The following CACNA1C variants were observed in gnomAD, a reference collection of about 807,000 sequenced individuals.
CACNA1C encodes voltage-dependent L-type calcium channel subunit alpha-1C.
CACNA1C carries 30 observed loss-of-function variants against 229.0 expected under a neutral mutation model. That is an observed-to-expected ratio of 0.13 (90% confidence interval 0.10 to 0.18). CACNA1C has a LOEUF of 0.18. CACNA1C is among the 10% of genes least tolerant of loss of function. The pLI is 1.00. For synonymous variants in CACNA1C, 1,114 were observed against 1,132.5 expected, an observed-to-expected ratio of 0.98 and a Z score of 0.33; for missense variants, 1,658 against 2,845.0, an observed-to-expected ratio of 0.58 and a Z score of 9.49.
rs760982440 is a variant in CACNA1C, at chr12:2,651,596, C to A, written c.3946-44C>A. The A allele has an allele frequency of 6.2e-7, 1 of 1,613,894 alleles. No homozygotes were observed. The highest frequency in any genetic ancestry group is 2.2e-5 in the East Asian group (1 of 44,864). On this transcript the variant is annotated intron_variant, in intron 31 of 46. Coordinates refer to ENST00000399655, the MANE Select transcript of CACNA1C (RefSeq NM_000719.7). This position sits in a 1 kb window ranked among gnomAD's most constrained non-coding sequence, Gnocchi z 5.4. ...GAGGGGCCCTCCTGTTCTCACCCCC[C>A]TCTTGCTGTGCTAACTGCACCTCCT...
intron 3 of CACNA1C, among the ~76,000 whole-genome samples, chr12:2,446,643 T>C (rs889053104): frequency 7.4e-5 from 11 of 148,988 alleles, no homozygotes; most frequent in African/African-American, 2.7e-4. Flanking sequence ...GGTGGATAGA[T>C]GAATGGATGG....
intron 14 of CACNA1C, 92 bp downstream of exon 14, chr12:2,581,889 C>A (rs910972471): frequency 4.0e-6 from 3 of 750,826 alleles, no homozygotes; most frequent in African/African-American, 1.7e-5. Flanking sequence ...TTTTACCGGG[C>A]AGCCACAGCC....
intron 1 of CACNA1C, among the ~76,000 whole-genome samples, chr12:2,022,396 A>C (rs2046612441): frequency 6.6e-6 from 1 of 151,050 alleles, no homozygotes; most frequent in Non-Finnish European, 1.5e-5. Context: ...TTTGGTCTTT[A>C]TTTAGAAATT....
intron 3 of CACNA1C, among the ~76,000 whole-genome samples, chr12:2,391,642 C>T (rs1171547096): frequency 6.6e-6 from 1 of 152,122 alleles, no homozygotes; most frequent in African/African-American, 2.4e-5. Context: ...CTTCTGAGTG[C>T]TTGAAGTGGG....
At chr12:2,387,918 C>T (rs1439629542) in intron 3 of CACNA1C, among the ~76,000 whole-genome samples, 1 of 152,116 alleles carries the variant, frequency 6.6e-6, no homozygotes, top group Non-Finnish European at 1.5e-5. Flanking sequence ...CCAGGGAGCC[C>T]CCTTACCAGA....
intron 38 of CACNA1C, among the ~76,000 whole-genome samples, chr12:2,674,261 C>A (rs1232652589): frequency 6.6e-6 from 1 of 152,182 alleles, no homozygotes; most frequent in African/African-American, 2.4e-5. Context: ...GTGGAGGGGC[C>A]CCCTGGCTGG....
At chr12:2,522,781 A>G (rs1290544678) in intron 9 of CACNA1C, among the ~76,000 whole-genome samples, 4 of 152,162 alleles carry the variant, frequency 2.6e-5, no homozygotes, top group African/African-American at 9.7e-5. Flanking sequence ...TTTTTCTTGC[A>G]TGGAAGGTGA....
chr12:2,159,902 C>T (rs1174015454), intron 3 of CACNA1C, among the ~76,000 whole-genome samples: 2 of 152,230 alleles, frequency 1.3e-5, no homozygotes, highest in Non-Finnish European at 2.9e-5. Flanking sequence ...CCGCTCCTGG[C>T]CTAGACTTAT....
chr12:2,296,234 G>A lies in CACNA1C; in HGVS notation c.478-152742G>A, dbSNP rs150039563. Among the ~76,000 whole-genome samples the A allele has an allele frequency of 1.6e-4, 25 of 152,338 alleles. No individual in the cohort carries two copies. In the East Asian group the frequency reaches 4.8e-3, roughly 29 times the overall value. ...CACTCTGTTCTAATGCTTATGAGGAGCAGTCTGTGGGCTGCAAATGCAGGA... is the reference window on the plus strand; with the variant it reads ...CACTCTGTTCTAATGCTTATGAGGAACAGTCTGTGGGCTGCAAATGCAGGA... On this transcript the variant is annotated intron_variant, in intron 3 of 46. Transcript: ENST00000399655.
chr12:2,573,727 C>G (rs538896204), intron 13 of CACNA1C, among the ~76,000 whole-genome samples: 1 of 152,206 alleles, frequency 6.6e-6, no homozygotes, highest in Admixed American at 6.5e-5. Flanking sequence ...TAATTTATTA[C>G]TGAGAGCTGA....
chr12:2,059,367 A>G (rs1208848128), intron 1 of CACNA1C, among the ~76,000 whole-genome samples: 1 of 151,540 alleles, frequency 6.6e-6, no homozygotes, highest in East Asian at 1.9e-4. Context: ...ACTGTAGGAG[A>G]GAAGTTTGGG....
At chr12:2,562,355 TTATC>T (rs1198697043) in intron 11 of CACNA1C, among the ~76,000 whole-genome samples, 1 of 152,230 alleles carries the variant, frequency 6.6e-6, no homozygotes, top group African/African-American at 2.4e-5. Context: ...TGAATAACAA[TTATC>T]AGTGATTTCT....
At chr12:2,603,405 C>G (rs2073767538) in intron 22 of CACNA1C, 1 of 152,250 alleles carries the variant, frequency 6.6e-6, no homozygotes, top group Non-Finnish European at 1.5e-5. Context: ...CCTGACCACA[C>G]AAAGCATGAA....
rs781440831 is a variant in CACNA1C at position 2,607,009 on chromosome 12, G to A, written c.3235G>A (p.Gly1079Arg). The stretch of plus-strand genomic sequence containing the variant: ...GGGCAACTACATCACGTACAAAGAC[G>A]GGGAGGTTGACCACCCCATCATCCA... The part of the protein sequence containing the change: ...CKGNYITYKD[G>R]EVDHPIIQPR... The change falls in exon 26 of 47, where the codon GGG becomes AGG. Residue 1079 changes from glycine to arginine, a missense_variant. Transcript: ENST00000399655. 5.0e-6 allele frequency: 8 copies of A among 1,613,970 alleles called. No homozygotes were observed. The highest frequency in any genetic ancestry group is 2.2e-5 in the South Asian group (2 of 91,082).
Position 2,665,749 on chromosome 12 carries a change from G to GAGGTC in CACNA1C, c.4526+44_4526+45insTCAGG, listed in dbSNP as rs1310566843. ...GAAATCCTGATTCCCCAAGCTGAGA[G>GAGGTC]AGGGTATAGCTGACCATACCTGCAG... On this transcript the variant is annotated intron_variant, in intron 36 of 46. Coordinates refer to ENST00000399655, the MANE Select transcript of CACNA1C (RefSeq NM_000719.7). The surrounding 1 kb of genome is among the most constrained non-coding windows in gnomAD (Gnocchi z 5.9). 1.3e-6 allele frequency: 2 copies of GAGGTC among 1,596,628 alleles called. No individual in the cohort carries two copies. The highest frequency in any genetic ancestry group is 2.7e-5 in the African/African-American group (2 of 74,602).
intron 7 of CACNA1C, among the ~76,000 whole-genome samples, chr12:2,496,006 T>C (rs888012180): frequency 6.6e-6 from 1 of 152,204 alleles, no homozygotes; most frequent in Admixed American, 6.5e-5. Context: ...CCTCCTTAGC[T>C]TCTAGGCCAG....
intron 3 of CACNA1C, among the ~76,000 whole-genome samples, chr12:2,256,297 G>A (rs1434444742): frequency 6.6e-6 from 1 of 152,130 alleles, no homozygotes; most frequent in Non-Finnish European, 1.5e-5. Context: ...CAATGCATGG[G>A]GTAATCAGTC....
chr12:2,478,496 A>G (rs1197893128), intron 5 of CACNA1C, among the ~76,000 whole-genome samples: 1 of 152,322 alleles, frequency 6.6e-6, no homozygotes, highest in South Asian at 2.1e-4. Context: ...TAGGGGACCT[A>G]TGTGCTCATT....
intron 9 of CACNA1C, among the ~76,000 whole-genome samples, chr12:2,534,998 A>G (rs1470568531): frequency 1.3e-5 from 2 of 152,144 alleles, no homozygotes; most frequent in Non-Finnish European, 2.9e-5. Context: ...TGCCTGATAC[A>G]TGGGAGAGGG....
Sources: gnomAD v4.1 joint callset for allele counts (sites outside exome capture counted in the v4.1 genomes callset) on GRCh38, gnomAD v4.1.1 for gene constraint, Gnocchi (gnomAD v3.1) non-coding constraint, MANE v1.5 for transcripts, NCBI Gene and HGNC (gene_info 2026-07-23, HGNC 2026-07-21) for gene names.